The following ZNF483 variants were observed in gnomAD, a reference collection of about 807,000 sequenced individuals.
The protein encoded by ZNF483 is zinc finger protein 483.
A neutral mutation model predicts 28.6 loss-of-function variants in ZNF483; 9 were observed. The observed-to-expected ratio is 0.32, with a 90% CI of 0.19 to 0.55. ZNF483 has a LOEUF of 0.55. ZNF483 is among the 20% of genes least tolerant of loss of function. The probability of loss-of-function intolerance (pLI) is 0.93; values close to 1 mark genes in which losing one functional copy is unlikely to be tolerated. For synonymous variants in ZNF483, 322 were observed against 306.2 expected (o/e 1.05, Z -0.54); for missense variants, 675 against 871.7 (o/e 0.77, Z 2.84).
downstream of ZNF483, among the ~76,000 whole-genome samples, chr9:111,555,671 G>A (rs1001256222): frequency 2.0e-5 from 3 of 151,966 alleles, no homozygotes; most frequent in Non-Finnish European, 4.4e-5. Context: ...GCAGGGGAGA[G>A]CAAAAAGGGG....
rs1439811589 is a variant in ZNF483 at position 111,546,963 on chromosome 9, T to A, written c.*3793T>A. On this transcript the variant is annotated 3_prime_UTR_variant, in exon 6 of 6. Coordinates refer to ENST00000309235, the MANE Select transcript of ZNF483 (RefSeq NM_133464.5). ...ATTTGCCCTGTTGTGTTTGGCTTAT[T>A]CCACTTAGCATTATGTTTTCAAGGT... Among the ~76,000 whole-genome samples the A allele has an allele frequency of 6.6e-6, 1 of 152,190 alleles. No homozygotes were observed. The highest frequency in any genetic ancestry group is 1.9e-4 in the East Asian group (1 of 5,206).
intron 5 of ZNF483, among the ~76,000 whole-genome samples, chr9:111,570,424 C>A (rs1828761820): frequency 6.6e-6 from 1 of 152,070 alleles, no homozygotes; most frequent in Non-Finnish European, 1.5e-5. Context: ...TGTTCATATC[C>A]AAAAACCCCA....
Position 111,553,896 on chromosome 9 carries a change from A to G in ZNF483, c.*10726A>G, listed in dbSNP as rs1828042897. On this transcript the variant is annotated 3_prime_UTR_variant, in exon 6 of 6. Coordinates refer to ENST00000309235, the MANE Select transcript of ZNF483 (RefSeq NM_133464.5). ...TTAACTGAATGAAAGTTTATTCCCC[A>G]GGGGTCTTTCCAGCATTTTGTTGCT... is the stretch of plus-strand genomic sequence containing the variant. Among the ~76,000 whole-genome samples, 4 of 152,188 alleles carry G rather than the reference A, an allele frequency of 2.6e-5. No homozygotes were observed. The South Asian group carries it at 8.3e-4, about 32-fold the overall frequency.
At chr9:111,574,690 G>T in intron 5 of ZNF483, 1 of 1,397,700 alleles carries the variant, frequency 7.2e-7, no homozygotes, top group Non-Finnish European at 9.9e-7. Flanking sequence ...TTTTCTCCTT[G>T]TCCAGCCTTG....
chr9:111,543,257 T>C lies in ZNF483; in HGVS notation c.*87T>C. On this transcript the variant is annotated 3_prime_UTR_variant, in exon 6 of 6. Coordinates refer to ENST00000309235, the MANE Select transcript of ZNF483 (RefSeq NM_133464.5). ...GATGTAAACTTACAGTATTGATCAG[T>C]AGCTGCAGCTTTCGTAAATTGGCAG... The C allele has an allele frequency of 6.8e-7, 1 of 1,474,142 alleles. No individual in the cohort carries two copies. The highest frequency in any genetic ancestry group is 8.9e-7 in the Non-Finnish European group (1 of 1,119,078). 91.3% of individuals were successfully genotyped at this position (1,474,142 alleles called of 1,614,324 possible). A position where few individuals can be genotyped will look rare whatever the true frequency, so the allele number is the denominator to read the frequency against.
chr9:111,560,974 TAGAGAGAGAGAGAGAGAG>T (rs1172194603), intron 5 of ZNF483, among the ~76,000 whole-genome samples: 3 of 9,344 alleles, frequency 3.2e-4, no homozygotes, highest in African/African-American at 1.5e-3. Flanking sequence ...TATATATATA[TAGAGAGAGAGAGAGAGAG>T]AGAGAGAGAG....
chr9:111,529,249 C>A (rs1827260194), intron 2 of ZNF483, among the ~76,000 whole-genome samples: 1 of 152,022 alleles, frequency 6.6e-6, no homozygotes, highest in Non-Finnish European at 1.5e-5. Context: ...TATTGATTGT[C>A]TAATCACTAA....
rs1827910311 is a variant in ZNF483 at position 111,550,559 on chromosome 9, A to G, written c.*7389A>G. On this transcript the variant is annotated 3_prime_UTR_variant, in exon 6 of 6. Transcript: ENST00000309235. ...CTCAGAATTTCCCCTAGAAGCTACA[A>G]GTGTTCAGATGGACTCATGTGCTCC... Among the ~76,000 whole-genome samples the G allele has an allele frequency of 6.6e-6, 1 of 152,154 alleles. No homozygotes were observed.
intron 3 of ZNF483, 108 bp from the exon 4 acceptor site, chr9:111,533,631 T>C (rs1564592838): frequency 4.3e-6 from 5 of 1,156,820 alleles, no homozygotes; most frequent in Non-Finnish European, 3.5e-6. Context: ...GAAGCACCAC[T>C]GCACTCTAAC....
Position 111,546,298 on chromosome 9 carries a change from A to G in ZNF483, c.*3128A>G, listed in dbSNP as rs1262508834. Among the ~76,000 whole-genome samples, 1 of 152,176 alleles carries G rather than the reference A, an allele frequency of 6.6e-6. No homozygotes were observed. The highest frequency in any genetic ancestry group is 1.5e-5 in the Non-Finnish European group (1 of 68,014). ...ATTCTGGATATAAGTCCTTTATCCA[A>G]TATGAACTTTCTAAATACCATGTAC... On this transcript the variant is annotated 3_prime_UTR_variant, in exon 6 of 6. Transcript: ENST00000309235.
At chr9:111,569,773 T>G in intron 5 of ZNF483, 1 of 340,284 alleles carries the variant, frequency 2.9e-6, no homozygotes, top group Non-Finnish European at 5.6e-6. Flanking sequence ...AAGCCTCATA[T>G]GTGGGTTTAA....
At chr9:111,560,473 CAAA>C (rs752283590) in intron 5 of ZNF483, among the ~76,000 whole-genome samples, 2 of 94,296 alleles carry the variant, frequency 2.1e-5, no homozygotes, top group Admixed American at 1.1e-4. Context: ...GACTCCATCT[CAAA>C]AAAAAAAAAA....
intron 5 of ZNF483, among the ~76,000 whole-genome samples, chr9:111,573,274 T>C (rs1828909063): frequency 6.6e-6 from 1 of 151,370 alleles, no homozygotes. Flanking sequence ...AGTTAGAAAA[T>C]TATAGGGGGA....
In ZNF483 at chr9:111,527,400, A is replaced by G; in HGVS notation, c.5A>G (p.Gln2Arg). The G allele has an allele frequency of 6.2e-7, 1 of 1,612,838 alleles. No homozygotes were observed. The highest frequency in any genetic ancestry group is 1.8e-4 in the Middle Eastern group (1 of 5,470). The change falls in exon 2 of 6, where the codon CAA becomes CGA. Residue 2 changes from glutamine to arginine, a missense_variant. Around this residue, in one of 6 missense-constraint regions of ZNF483, gnomAD observed 525 missense variants for 581.8 expected, o/e 0.90. Coordinates refer to ENST00000309235, the MANE Select transcript of ZNF483 (RefSeq NM_133464.5). Reference sequence around the variant, plus strand: ...GATTCCTGCCCCTGAGACACAATGCAAGCTGTAGTGCCCTTGAACAAGATG... The same window carrying G: ...GATTCCTGCCCCTGAGACACAATGCGAGCTGTAGTGCCCTTGAACAAGATG... Reference protein sequence around the residue: MQAVVPLNKMTA... With the variant: MRAVVPLNKMTA...
chr9:111,573,965 T>G (rs1424230209), intron 5 of ZNF483, among the ~76,000 whole-genome samples: 1 of 152,144 alleles, frequency 6.6e-6, no homozygotes, highest in East Asian at 1.9e-4. Context: ...CCCTTCCCTT[T>G]TAGTGGCAAT....
intron 5 of ZNF483, among the ~76,000 whole-genome samples, chr9:111,567,705 G>T (rs1398815488): frequency 6.6e-6 from 1 of 152,110 alleles, no homozygotes. Flanking sequence ...TCATAAGAAC[G>T]GCAGGATTTG....
chr9:111,573,104 A>T (rs923206845), intron 5 of ZNF483, among the ~76,000 whole-genome samples: 2 of 152,212 alleles, frequency 1.3e-5, no homozygotes, highest in African/African-American at 4.8e-5. Context: ...GTCCTGTCTG[A>T]GCAGCTGAGC....
chr9:111,568,692 G>A (rs1027630807), intron 5 of ZNF483, among the ~76,000 whole-genome samples: 2 of 152,156 alleles, frequency 1.3e-5, no homozygotes, highest in African/African-American at 4.8e-5. Context: ...CGGTCCTACT[G>A]ATATGTGGTG....
At chr9:111,569,772 A>G (rs1416617949) in intron 5 of ZNF483, among the ~76,000 whole-genome samples, 2 of 152,142 alleles carry the variant, frequency 1.3e-5, no homozygotes, top group African/African-American at 4.8e-5. Context: ...AAAGCCTCAT[A>G]TGTGGGTTTA....
Sources: gnomAD v4.1 joint callset for allele counts (sites outside exome capture counted in the v4.1 genomes callset) on GRCh38, gnomAD v4.1.1 for gene constraint, gnomAD v4.1.1 regional missense constraint, MANE v1.5 for transcripts, NCBI Gene and HGNC (gene_info 2026-07-23, HGNC 2026-07-21) for gene names.